Variants in RANBP2 observed in about 807,000 individuals in gnomAD.
RANBP2 encodes E3 SUMO-protein ligase RanBP2.
A neutral mutation model predicts 303.6 loss-of-function variants in RANBP2; 57 were observed. The ratio of observed to expected loss-of-function variants is 0.19; its 90% confidence interval spans 0.15 to 0.23. RANBP2 has a LOEUF of 0.23. Among genes scored for constraint, RANBP2 ranks in the 10% least tolerant of loss-of-function variants. The probability of loss-of-function intolerance (pLI) is 1.00; values close to 1 mark genes in which losing one functional copy is unlikely to be tolerated. For missense variants in RANBP2, 3,138 were observed against 3,780.8 expected (o/e 0.83, Z 4.46); for synonymous variants, 1,167 against 1,301.5 (o/e 0.90, Z 2.23).
At position 108,751,933 on chromosome 2, in the gene RANBP2, A is replaced by G; in HGVS notation, c.1694A>G (p.Gln565Arg). 1.9e-6 allele frequency: 3 copies of G among 1,612,028 alleles called. No individual in the cohort carries two copies. The highest frequency in any genetic ancestry group is 1.3e-5 in the African/African-American group (1 of 74,990). The change falls in exon 12 of 29, where the codon CAG becomes CGG. Residue 565 changes from glutamine (Q) to arginine (R), a missense_variant. Physicochemically the swap from Gln to Arg is conservative, Grantham distance 43 (BLOSUM62 1). This residue lies in a region of RANBP2 where 162 missense variants were observed against 286.9 expected (regional missense o/e 0.56). Transcript: ENST00000283195. ...CATGAAATAAACACTCTAAGAGCCC[A>G]GGAAAAACATGGCCTTCAACCTGCT... ...VQHEINTLRA[Q>R]EKHGLQPALL...
chr2:108,870,162 A>G, the RANBP2 span, among the ~76,000 whole-genome samples: 2 of 152,234 alleles, frequency 1.3e-5, no homozygotes, highest in African/African-American at 4.8e-5. Flanking sequence ...GTCAACAAAG[A>G]AACAAATTAT....
At chr2:109,501,640 T>A in the RANBP2 span, 1 of 775,988 alleles carries the variant, frequency 1.3e-6, no homozygotes, top group East Asian at 2.4e-5. Context: ...CGCACAGGCC[T>A]CTTCCCGGGC....
chr2:109,648,409 G>T, the RANBP2 span, among the ~76,000 whole-genome samples: 1 of 151,810 alleles, frequency 6.6e-6, no homozygotes. Context: ...TGGAATGCAT[G>T]ATGCAATCTC....
chr2:109,073,174 A>G, the RANBP2 span, among the ~76,000 whole-genome samples: 1 of 152,216 alleles, frequency 6.6e-6, no homozygotes, highest in East Asian at 1.9e-4. Flanking sequence ...AGAGCAATGC[A>G]TGAATAAAGT....
the RANBP2 span, among the ~76,000 whole-genome samples, chr2:109,410,247 G>A: frequency 1.3e-5 from 2 of 152,216 alleles, no homozygotes; most frequent in African/African-American, 4.8e-5. Flanking sequence ...GAAACACATC[G>A]CCGTCACAGA....
the RANBP2 span, among the ~76,000 whole-genome samples, chr2:109,569,180 G>C: frequency 1.3e-5 from 2 of 152,120 alleles, no homozygotes; most frequent in Non-Finnish European, 2.9e-5. Context: ...TGTAATCCCA[G>C]CACTTTGAAA....
the RANBP2 span, among the ~76,000 whole-genome samples, chr2:109,640,143 C>T: frequency 1.3e-5 from 2 of 151,416 alleles, no homozygotes; most frequent in Admixed American, 6.6e-5. Context: ...GGAGGAGTCC[C>T]ACGAATGCTT....
the RANBP2 span, among the ~76,000 whole-genome samples, chr2:109,290,993 T>C: frequency 3.5e-3 from 536 of 152,388 alleles, 1 homozygote; most frequent in Non-Finnish European, 6.2e-3. Flanking sequence ...GCACATTAAA[T>C]GATGAGCTGA....
the RANBP2 span, among the ~76,000 whole-genome samples, chr2:109,073,512 C>CAAAAA: frequency 2.3e-4 from 34 of 150,034 alleles, no homozygotes; most frequent in South Asian, 4.3e-4. Context: ...ACTAAAAATA[C>CAAAAA]AAAAAAATTA....
chr2:109,190,669 A>C, the RANBP2 span, among the ~76,000 whole-genome samples: 2 of 152,246 alleles, frequency 1.3e-5, no homozygotes, highest in South Asian at 4.1e-4. Flanking sequence ...TCTACAGTCT[A>C]TGTGCATTTA....
the RANBP2 span, among the ~76,000 whole-genome samples, chr2:109,735,195 A>G: frequency 6.6e-6 from 1 of 152,126 alleles, no homozygotes; most frequent in Non-Finnish European, 1.5e-5. Context: ...AATAACCACT[A>G]TTCTACTCTT....
the RANBP2 span, among the ~76,000 whole-genome samples, chr2:109,407,174 C>G: frequency 3.3e-4 from 45 of 138,022 alleles, no homozygotes; most frequent in African/African-American, 1.0e-3. Context: ...GGACCAGCAC[C>G]TTCATTGGCC....
chr2:109,154,616 C>G, the RANBP2 span, among the ~76,000 whole-genome samples: 1 of 152,218 alleles, frequency 6.6e-6, no homozygotes, highest in Non-Finnish European at 1.5e-5. Context: ...GTCTGTCTTT[C>G]TCTTTGTCCT....
chr2:109,245,632 C>T, the RANBP2 span, among the ~76,000 whole-genome samples: 12 of 152,146 alleles, frequency 7.9e-5, 1 homozygote, highest in Admixed American at 3.9e-4. Context: ...AATAACTTTA[C>T]GAGTTTTCAT....
chr2:109,238,488 TGTGTGTGTGTGA>T, the RANBP2 span, among the ~76,000 whole-genome samples: 45 of 137,992 alleles, frequency 3.3e-4, no homozygotes, highest in African/African-American at 9.3e-4. Flanking sequence ...TGTGTGTGTG[TGTGTGTGTGTGA>T]GAGTGAGACA....
At chr2:109,468,620 G>A in the RANBP2 span, among the ~76,000 whole-genome samples, 23 of 152,000 alleles carry the variant, frequency 1.5e-4, no homozygotes, top group Non-Finnish European at 3.1e-4. Flanking sequence ...TTGGGAGGCC[G>A]AGGCAGGTGG....
the RANBP2 span, among the ~76,000 whole-genome samples, chr2:109,678,278 C>A: frequency 6.6e-6 from 1 of 152,248 alleles, no homozygotes; most frequent in Non-Finnish European, 1.5e-5. Context: ...TATTCACACC[C>A]AAGAACTACT....
At chr2:108,795,199 G>C in the RANBP2 span, among the ~76,000 whole-genome samples, 1 of 113,564 alleles carries the variant, frequency 8.8e-6, no homozygotes, top group Non-Finnish European at 1.6e-5. Context: ...GTATCACCCA[G>C]GCTGGAGTGC....
At chr2:109,255,456 G>C in the RANBP2 span, among the ~76,000 whole-genome samples, 8 of 152,222 alleles carry the variant, frequency 5.3e-5, no homozygotes, top group Non-Finnish European at 1.2e-4. Flanking sequence ...CACATTCAGG[G>C]TTGGACTGGG....
Sources: gnomAD v4.1 joint callset for allele counts (sites outside exome capture counted in the v4.1 genomes callset) on GRCh38, gnomAD v4.1.1 for gene constraint, gnomAD v4.1.1 regional missense constraint, MANE v1.5 for transcripts, NCBI Gene and HGNC (gene_info 2026-07-23, HGNC 2026-07-21) for gene names.